Variants in STK39 observed in about 807,000 individuals in gnomAD.
STK39 encodes the protein STE20/SPS1-related proline-alanine-rich protein kinase.
A neutral mutation model predicts 77.8 loss-of-function variants in STK39; 20 were observed. That is an observed-to-expected ratio of 0.26 (90% CI 0.18 to 0.37). The LOEUF (loss-of-function observed/expected upper bound fraction) is 0.37, where lower values mean the gene tolerates loss of function less well. Among genes scored for constraint, STK39 ranks in the 10% least tolerant of loss-of-function variants. The pLI, the probability that STK39 is intolerant of heterozygous loss-of-function variation, is 1.00. For missense variants in STK39, 479 were observed against 656.5 expected, an observed-to-expected ratio of 0.73 and a Z score of 2.95; for synonymous variants, 246 against 234.1, an observed-to-expected ratio of 1.05 and a Z score of -0.47.
chr2:168,097,687 T>C (rs186871313), intron 10 of STK39, among the ~76,000 whole-genome samples: 71 of 151,758 alleles, frequency 4.7e-4, no homozygotes, highest in African/African-American at 1.7e-3. Context: ...TGAGCTATGA[T>C]CATGCCACTG....
intron 1 of STK39, among the ~76,000 whole-genome samples, chr2:168,220,641 T>C (rs963860108): frequency 2.0e-5 from 3 of 152,176 alleles, no homozygotes; most frequent in Admixed American, 1.3e-4. Context: ...GGCAAGTCAT[T>C]TCAATTGCAT....
At chr2:168,057,026 C>T (rs1376486369) in intron 14 of STK39, among the ~76,000 whole-genome samples, 5 of 152,090 alleles carry the variant, frequency 3.3e-5, no homozygotes, top group Admixed American at 6.5e-5. Flanking sequence ...GGAAGTCAGA[C>T]CTTTGAGGGG....
At chr2:168,223,759 G>A (rs994124933) in intron 1 of STK39, among the ~76,000 whole-genome samples, 2 of 152,034 alleles carry the variant, frequency 1.3e-5, no homozygotes, top group Admixed American at 1.3e-4. Flanking sequence ...AATGAGGAAC[G>A]GATCAGGCAT....
chr2:168,161,444 A>C (rs1012752150), intron 5 of STK39, among the ~76,000 whole-genome samples: 3 of 152,242 alleles, frequency 2.0e-5, no homozygotes, highest in Non-Finnish European at 4.4e-5. Flanking sequence ...ATGATGTTTT[A>C]AATTTTCAAA....
At chr2:167,991,324 C>T (rs1011564921) in intron 16 of STK39, among the ~76,000 whole-genome samples, 1 of 151,994 alleles carries the variant, frequency 6.6e-6, no homozygotes, top group Non-Finnish European at 1.5e-5. Context: ...CACTGGAATA[C>T]CCAGCCCTGG....
intron 10 of STK39, among the ~76,000 whole-genome samples, chr2:168,129,104 G>T (rs1191322325): frequency 5.3e-5 from 8 of 152,118 alleles, no homozygotes; most frequent in Non-Finnish European, 1.0e-4. Context: ...AGGGACCATA[G>T]GTCTTTCATG....
chr2:168,056,689 T>C (rs1387176308), intron 14 of STK39, among the ~76,000 whole-genome samples: 1 of 152,196 alleles, frequency 6.6e-6, no homozygotes, highest in Non-Finnish European at 1.5e-5. Flanking sequence ...TGCAGGCGTA[T>C]ATGTGTGTGT....
At chr2:168,116,752 G>A (rs755588652) in intron 10 of STK39, among the ~76,000 whole-genome samples, 3 of 151,996 alleles carry the variant, frequency 2.0e-5, no homozygotes, top group African/African-American at 4.8e-5. Flanking sequence ...TCCTTTCCCC[G>A]TGATGCATAA....
intron 1 of STK39, among the ~76,000 whole-genome samples, chr2:168,208,627 C>T (rs955686654): frequency 3.9e-5 from 6 of 152,214 alleles, no homozygotes; most frequent in African/African-American, 1.4e-4. Context: ...CTCATTTAGA[C>T]ACGTGTGATA....
intron 14 of STK39, among the ~76,000 whole-genome samples, chr2:168,023,472 T>C (rs980415576): frequency 7.2e-5 from 11 of 152,012 alleles, no homozygotes; most frequent in Admixed American, 1.3e-4. Context: ...GCAGGTGCGA[T>C]TGAAGTATAT....
intron 5 of STK39, among the ~76,000 whole-genome samples, chr2:168,150,774 T>G (rs1326147271): frequency 6.6e-6 from 1 of 152,058 alleles, no homozygotes; most frequent in Non-Finnish European, 1.5e-5. Flanking sequence ...TTTAAGCAAG[T>G]CAATAAATAT....
At chr2:167,997,090 T>C (rs553293086) in intron 16 of STK39, among the ~76,000 whole-genome samples, 1 of 150,606 alleles carries the variant, frequency 6.6e-6, no homozygotes, top group African/African-American at 2.4e-5. Context: ...TCTGTATTTA[T>C]TCTGTTGTTA....
At chr2:168,043,497 T>C (rs898273383) in intron 14 of STK39, among the ~76,000 whole-genome samples, 10 of 152,246 alleles carry the variant, frequency 6.6e-5, no homozygotes, top group African/African-American at 2.4e-4. Context: ...GATTAAATCA[T>C]GTTGCAGCTG....
At chr2:167,965,964 A>T (rs1391307855) in intron 16 of STK39, among the ~76,000 whole-genome samples, 3 of 152,198 alleles carry the variant, frequency 2.0e-5, no homozygotes. Flanking sequence ...GAGAAAAAAG[A>T]AAAATTATGT....
chr2:168,067,350 T>C (rs1362608129), intron 12 of STK39, among the ~76,000 whole-genome samples: 1 of 152,228 alleles, frequency 6.6e-6, no homozygotes, highest in Non-Finnish European at 1.5e-5. Context: ...GTTCCCACTC[T>C]GAGTTCACAC....
chr2:167,995,709 A>C (rs4667995), intron 16 of STK39, among the ~76,000 whole-genome samples: 60,790 of 152,024 alleles, frequency 0.4, 12,912 homozygotes, highest in African/African-American at 0.48. Flanking sequence ...GGTATGTTCT[A>C]CATCAGAGAG....
At chr2:168,134,749 A>G (rs1000950471) in intron 8 of STK39, among the ~76,000 whole-genome samples, 1 of 152,178 alleles carries the variant, frequency 6.6e-6, no homozygotes, top group African/African-American at 2.4e-5. Context: ...ACAAAAAAAC[A>G]CAGCCTACTC....
intron 10 of STK39, among the ~76,000 whole-genome samples, chr2:168,124,648 C>T (rs1687493658): frequency 6.6e-6 from 1 of 152,176 alleles, no homozygotes; most frequent in Non-Finnish European, 1.5e-5. Flanking sequence ...ATCCTCCCAC[C>T]TCGGCCTCCC....
intron 10 of STK39, among the ~76,000 whole-genome samples, chr2:168,085,976 A>T (rs1005282840): frequency 2.6e-5 from 4 of 152,200 alleles, no homozygotes; most frequent in Non-Finnish European, 4.4e-5. Flanking sequence ...AGCCCAGACT[A>T]GCCCCCAGGT....
Sources: allele counts gnomAD v4.1 joint callset (sites outside exome capture counted in the v4.1 genomes callset), GRCh38; gene constraint gnomAD v4.1.1; transcripts MANE v1.5; gene names NCBI Gene and HGNC (gene_info 2026-07-23, HGNC 2026-07-21).